The following KIAA2012 variants were observed in gnomAD, a reference collection of about 807,000 sequenced individuals.
KIAA2012 encodes uncharacterized protein KIAA2012.
A neutral mutation model predicts 150.6 loss-of-function variants in KIAA2012; 125 were observed. The ratio of observed to expected loss-of-function variants is 0.83; its 90% CI spans 0.72 to 0.96. The LOEUF (loss-of-function observed/expected upper bound fraction) is 0.96. Ranked by LOEUF, KIAA2012 falls within the 40% of genes least tolerant of loss-of-function variation. The probability of loss-of-function intolerance (pLI) is 0.00; values close to 1 mark genes in which losing one functional copy is unlikely to be tolerated. For missense variants in KIAA2012, 1,219 were observed against 1,354.9 expected (o/e 0.90, Z 1.57); for synonymous variants, 462 against 504.7 (o/e 0.92, Z 1.13).
intron 21 of KIAA2012, among the ~76,000 whole-genome samples, chr2:202,195,193 A>ACATT (rs1340657300): frequency 6.6e-6 from 1 of 151,990 alleles, no homozygotes; most frequent in Non-Finnish European, 1.5e-5. Flanking sequence ...ATCACTTCAA[A>ACATT]CATTCATCAT....
intron 11 of KIAA2012, among the ~76,000 whole-genome samples, chr2:202,120,181 C>G (rs1030085872): frequency 6.6e-6 from 1 of 152,152 alleles, no homozygotes; most frequent in African/African-American, 2.4e-5. Flanking sequence ...CAGACTAATA[C>G]ACTGTGCAAC....
Position 202,190,172 on chromosome 2 carries a change from A to G in KIAA2012, c.2492-2A>G, listed in dbSNP as rs1270229958. 4 of 1,514,102 alleles carry G rather than the reference A, an allele frequency of 2.6e-6. No homozygotes were observed. The highest frequency in any genetic ancestry group is 3.5e-6 in the Non-Finnish European group (4 of 1,136,712). 93.8% of individuals were successfully genotyped at this position (1,514,102 alleles called of 1,614,324 possible). On this transcript the variant is annotated splice_acceptor_variant, in intron 18 of 23. Coordinates refer to ENST00000498697, the MANE Select transcript of KIAA2012 (RefSeq NM_001277372.4). LOFTEE classifies it high-confidence loss of function. ...TCTCTATCCCCAATTGTTCTCCCCC[A>G]GGAAAGTCAAAGGACTCAAAGGCTA...
At chr2:202,106,407 G>A (rs978641935) in intron 9 of KIAA2012, among the ~76,000 whole-genome samples, 10 of 152,028 alleles carry the variant, frequency 6.6e-5, no homozygotes, top group Non-Finnish European at 7.4e-5. Flanking sequence ...TAATATCGGC[G>A]GGGTGCGGTG....
chr2:202,203,551 C>A (rs952271310), intron 23 of KIAA2012, among the ~76,000 whole-genome samples: 2 of 152,184 alleles, frequency 1.3e-5, no homozygotes, highest in African/African-American at 2.4e-5. Flanking sequence ...TCAGCCACAA[C>A]ACCCCCATTT....
intron 9 of KIAA2012, among the ~76,000 whole-genome samples, chr2:202,108,029 C>T (rs1308916513): frequency 1.3e-5 from 2 of 152,032 alleles, no homozygotes; most frequent in Non-Finnish European, 1.5e-5. Context: ...GCAACAACAA[C>T]AACAACAAAG....
At chr2:202,118,212 C>T (rs751725610) in intron 11 of KIAA2012, among the ~76,000 whole-genome samples, 5 of 151,930 alleles carry the variant, frequency 3.3e-5, no homozygotes, top group Non-Finnish European at 7.4e-5. Context: ...TGTACACTGC[C>T]CCTTGTGCCT....
intron 15 of KIAA2012, among the ~76,000 whole-genome samples, chr2:202,167,810 C>T (rs553778099): frequency 6.6e-6 from 1 of 152,084 alleles, no homozygotes; most frequent in South Asian, 2.1e-4. Flanking sequence ...CACCACTGCA[C>T]TCCAGCCTGG....
chr2:202,148,215 G>T (rs1355610701), intron 13 of KIAA2012, among the ~76,000 whole-genome samples: 1 of 152,258 alleles, frequency 6.6e-6, no homozygotes, highest in East Asian at 1.9e-4. Context: ...GGAAGCTGAG[G>T]CACAGAATGA....
chr2:202,165,446 G>A (rs1559225940), intron 15 of KIAA2012, 90 bp downstream of exon 15: 1 of 1,302,060 alleles, frequency 7.7e-7, no homozygotes, highest in Non-Finnish European at 1.1e-6. Context: ...GGGAGGCCAG[G>A]CACGGTGGCT....
chr2:202,123,158 G>T (rs1218845147), intron 11 of KIAA2012, among the ~76,000 whole-genome samples: 4 of 152,180 alleles, frequency 2.6e-5, no homozygotes, highest in African/African-American at 9.7e-5. Flanking sequence ...CAAACTTCTT[G>T]GGAGCTACGA....
At chr2:202,103,209 A>G in intron 8 of KIAA2012, 95 bp downstream of exon 8, 2 of 1,175,048 alleles carry the variant, frequency 1.7e-6, no homozygotes, top group Non-Finnish European at 2.4e-6. Flanking sequence ...GACGTTCCCT[A>G]TGGTCATCCC....
intron 3 of KIAA2012, 48 bp downstream of exon 3, chr2:202,090,977 C>T (rs1689705487): frequency 2.0e-6 from 3 of 1,504,002 alleles, no homozygotes; most frequent in Non-Finnish European, 2.7e-6. Flanking sequence ...GCCCCACCTC[C>T]CATTCTGGTG....
Position 202,097,526 on chromosome 2 carries a change from C to A in KIAA2012, c.777C>A (p.Arg259=). ...AGAACCATGGCAGTCAGGGGACTCGCTTGCCACCACGCAGGAAGCAGCCCT... is the reference window on the plus strand; with the variant it reads ...AGAACCATGGCAGTCAGGGGACTCGATTGCCACCACGCAGGAAGCAGCCCT... ...LAKNHGSQGT[R]LPPRRKQPWQ... Residue 259 remains arginine, a synonymous_variant, in exon 5 of 24, where the codon CGC becomes CGA. Transcript: ENST00000498697. 1.3e-6 allele frequency: 2 copies of A among 1,550,250 alleles called. No individual in the cohort carries two copies. The highest frequency in any genetic ancestry group is 1.7e-6 in the Non-Finnish European group (2 of 1,146,922).
chr2:202,073,721 A>G lies in KIAA2012; in HGVS notation c.84+10A>G. On this transcript the variant is annotated intron_variant, in intron 1 of 23. Coordinates refer to ENST00000498697, the MANE Select transcript of KIAA2012 (RefSeq NM_001277372.4). ...CTACTTTGAACCAGAGGTGAGTCCC[A>G]CAGCTGAAGAAAGGCACATTTTGGA... 4 of 1,549,912 alleles carry G rather than the reference A, an allele frequency of 2.6e-6. No homozygotes were observed. Among genetic ancestry groups the G allele is most frequent in the Non-Finnish European group, 3.5e-6 (4 of 1,146,502 alleles).
chr2:202,131,589 G>A (rs565183983), intron 12 of KIAA2012, among the ~76,000 whole-genome samples: 2 of 152,346 alleles, frequency 1.3e-5, no homozygotes, highest in African/African-American at 4.8e-5. Flanking sequence ...CCACAGGGGT[G>A]GAATGTGTTG....
At chr2:202,115,717 T>A (rs928869448) in intron 11 of KIAA2012, 5 of 148,644 alleles carry the variant, frequency 3.4e-5, no homozygotes, top group African/African-American at 1.0e-4. Flanking sequence ...GGGATCATAG[T>A]TGTTGCTGGG....
chr2:202,076,621 C>T (rs1689329822), intron 2 of KIAA2012, among the ~76,000 whole-genome samples: 1 of 152,058 alleles, frequency 6.6e-6, no homozygotes, highest in Non-Finnish European at 1.5e-5. Flanking sequence ...TTTTTCTTGC[C>T]TCCTTGTATA....
At chr2:202,165,675 C>T (rs907566061) in intron 15 of KIAA2012, among the ~76,000 whole-genome samples, 2 of 152,012 alleles carry the variant, frequency 1.3e-5, no homozygotes, top group Non-Finnish European at 2.9e-5. Context: ...GAGCTGAGAT[C>T]GCACCACTGC....
chr2:202,193,177 A>G (rs1414783792), intron 19 of KIAA2012, 124 bp from the exon 20 acceptor site: 3 of 981,538 alleles, frequency 3.1e-6, no homozygotes, highest in Non-Finnish European at 4.6e-6. Context: ...AGCTGTGGGC[A>G]AAGTGTGGAG....
Sources: gnomAD v4.1 joint callset for allele counts (sites outside exome capture counted in the v4.1 genomes callset) on GRCh38, gnomAD v4.1.1 for gene constraint, MANE v1.5 for transcripts, NCBI Gene and HGNC (gene_info 2026-07-23, HGNC 2026-07-21) for gene names.